The following GAS7 variants were observed in gnomAD, a reference collection of about 807,000 sequenced individuals.
GAS7 encodes the protein growth arrest specific 7.
GAS7 carries 28 observed loss-of-function variants against 71.1 expected under a neutral mutation model. That is an observed-to-expected ratio of 0.39 (90% CI 0.29 to 0.54). The LOEUF (loss-of-function observed/expected upper bound fraction) is 0.54, where lower values mean the gene tolerates loss of function less well. Ranked by LOEUF, GAS7 falls within the 20% of genes least tolerant of loss-of-function variation. The pLI is 0.62. For synonymous variants in GAS7, 258 were observed against 245.8 expected, an observed-to-expected ratio of 1.05 and a Z score of -0.46; for missense variants, 436 against 627.8, an observed-to-expected ratio of 0.69 and a Z score of 3.27.
chr17:10,045,539 A>T (rs1244904030), intron 1 of GAS7, among the ~76,000 whole-genome samples: 1 of 152,164 alleles, frequency 6.6e-6, no homozygotes, highest in African/African-American at 2.4e-5. Flanking sequence ...TCTACTAAAA[A>T]TATAAAAATT....
chr17:9,934,444 A>G (rs1468384790), intron 8 of GAS7, among the ~76,000 whole-genome samples, 200 bp from the exon 9 acceptor site: 2 of 151,926 alleles, frequency 1.3e-5, no homozygotes, highest in Non-Finnish European at 2.9e-5. Flanking sequence ...GGTCCAAGTG[A>G]GCTCACCTTA....
intron 2 of GAS7, among the ~76,000 whole-genome samples, chr17:10,013,022 G>A (rs968146616): frequency 1.3e-5 from 2 of 150,746 alleles, no homozygotes; most frequent in Non-Finnish European, 2.9e-5. Flanking sequence ...AGAATCGCTT[G>A]AATCCAGGAG....
At chr17:10,089,178 A>C in intron 1 of GAS7, among the ~76,000 whole-genome samples, 1 of 152,134 alleles carries the variant, frequency 6.6e-6, no homozygotes, top group South Asian at 2.1e-4. Flanking sequence ...AAAAAAAGAA[A>C]GAAAAGAAAA....
At chr17:10,090,952 C>A (rs2073575631) in intron 1 of GAS7, among the ~76,000 whole-genome samples, 1 of 152,128 alleles carries the variant, frequency 6.6e-6, no homozygotes, top group South Asian at 2.1e-4. Flanking sequence ...TGAAACCAAG[C>A]CAAGAAGGCT....
intron 1 of GAS7, among the ~76,000 whole-genome samples, chr17:10,097,443 C>T (rs1035243982): frequency 6.6e-6 from 1 of 152,152 alleles, no homozygotes; most frequent in Non-Finnish European, 1.5e-5. Context: ...CCCAGGGTGA[C>T]GAGAGGAACC....
chr17:10,151,101 C>T (rs77234279), intron 1 of GAS7, among the ~76,000 whole-genome samples: 2,023 of 152,348 alleles, frequency 0.013, 35 homozygotes, highest in African/African-American at 0.047. Context: ...TGAACTGAGG[C>T]TGGTTCTGAG....
chr17:10,007,125 T>C (rs1037255860), intron 2 of GAS7, among the ~76,000 whole-genome samples: 4 of 152,240 alleles, frequency 2.6e-5, no homozygotes, highest in African/African-American at 9.6e-5. Context: ...CACAGTGTCC[T>C]TGCAAATAAA....
chr17:10,064,663 G>C (rs2073261635), intron 1 of GAS7, among the ~76,000 whole-genome samples: 1 of 152,230 alleles, frequency 6.6e-6, no homozygotes, highest in South Asian at 2.1e-4. Context: ...ACTCGCAGAA[G>C]TCTCACTGAG....
chr17:10,052,914 T>C (rs1255991137), intron 1 of GAS7, among the ~76,000 whole-genome samples: 1 of 152,170 alleles, frequency 6.6e-6, no homozygotes, highest in Non-Finnish European at 1.5e-5. Flanking sequence ...CTTCATCCCT[T>C]ACTCATGGGA....
intron 2 of GAS7, 101 bp downstream of exon 2, chr17:10,019,676 A>G: frequency 2.5e-6 from 3 of 1,186,112 alleles, no homozygotes; most frequent in African/African-American, 1.5e-5. Flanking sequence ...AGAAGAAAAA[A>G]CCCCCAAACA....
chr17:9,978,182 C>T (rs1445736958), intron 3 of GAS7, among the ~76,000 whole-genome samples: 1 of 151,982 alleles, frequency 6.6e-6, no homozygotes, highest in African/African-American at 2.4e-5. Flanking sequence ...CCACTGCACT[C>T]CAGCCTGGGC....
intron 1 of GAS7, among the ~76,000 whole-genome samples, chr17:10,147,862 T>C (rs2074133356): frequency 1.3e-5 from 2 of 152,116 alleles, no homozygotes; most frequent in South Asian, 2.1e-4. Context: ...CAAGAGCTCA[T>C]AATAAAAAGA....
chr17:10,018,639 G>A (rs751618343), intron 2 of GAS7, among the ~76,000 whole-genome samples: 7 of 152,204 alleles, frequency 4.6e-5, no homozygotes, highest in Non-Finnish European at 1.0e-4. Flanking sequence ...TCTTGAGCCT[G>A]TGGAAGGTCA....
At chr17:10,173,423 A>G (rs1039973865) in intron 1 of GAS7, among the ~76,000 whole-genome samples, 13 of 152,158 alleles carry the variant, frequency 8.5e-5, no homozygotes, top group East Asian at 1.9e-4. Context: ...TTCCTAGGTA[A>G]GTAATGAGTT....
At chr17:10,019,750 C>A in intron 2 of GAS7, 27 bp downstream of exon 2, 1 of 1,604,166 alleles carries the variant, frequency 6.2e-7, no homozygotes, top group Non-Finnish European at 8.5e-7. Flanking sequence ...GGGGTTGGTG[C>A]AGGATTCTCC....
At chr17:10,045,014 C>G (rs11867838) in intron 1 of GAS7, among the ~76,000 whole-genome samples, 2,843 of 145,928 alleles carry the variant, frequency 0.019, 90 homozygotes, top group African/African-American at 0.066. Context: ...GCACTCCAGC[C>G]CGGGCGACAG....
intron 1 of GAS7, among the ~76,000 whole-genome samples, chr17:10,102,477 T>G (rs534690738): frequency 6.6e-6 from 1 of 152,260 alleles, no homozygotes; most frequent in South Asian, 2.1e-4. Flanking sequence ...TACGCAAGGT[T>G]GGGCAGCTAG....
chr17:10,165,109 C>A (rs900990900), intron 1 of GAS7, among the ~76,000 whole-genome samples: 3 of 149,586 alleles, frequency 2.0e-5, no homozygotes, highest in Admixed American at 1.3e-4. Flanking sequence ...ACAGTGAAAC[C>A]CCGTCTCTAC....
chr17:10,101,463 C>A (rs1004488690), intron 1 of GAS7, among the ~76,000 whole-genome samples: 2 of 152,196 alleles, frequency 1.3e-5, no homozygotes, highest in African/African-American at 2.4e-5. Context: ...TTACTGTGTC[C>A]CGCCCACACT....
Sources: allele counts gnomAD v4.1 joint callset (sites outside exome capture counted in the v4.1 genomes callset), GRCh38; gene constraint gnomAD v4.1.1; transcripts MANE v1.5; gene names NCBI Gene and HGNC (gene_info 2026-07-23, HGNC 2026-07-21).